SOS1: variants seen among roughly 807,000 people sequenced by gnomAD.
SOS1 encodes the protein SOS Ras/Rac guanine nucleotide exchange factor 1.
In SOS1, 25 loss-of-function variants were observed where a neutral mutation model predicts 157.6. The ratio of observed to expected loss-of-function variants is 0.16; its 90% confidence interval spans 0.12 to 0.22. The LOEUF (loss-of-function observed/expected upper bound fraction) is 0.22. SOS1 is among the 10% of genes least tolerant of loss of function. The pLI is 1.00. For missense variants in SOS1, 1,237 were observed against 1,599.1 expected, an observed-to-expected ratio of 0.77 and a Z score of 3.86; for synonymous variants, 528 against 534.0, an observed-to-expected ratio of 0.99 and a Z score of 0.16.
intron 15 of SOS1, among the ~76,000 whole-genome samples, chr2:39,010,051 C>T (rs1215916623): frequency 1.3e-5 from 2 of 152,158 alleles, no homozygotes; most frequent in African/African-American, 2.4e-5. Flanking sequence ...AGCGATGGCT[C>T]ACGCCTGTAA....
At chr2:39,029,110 T>C (rs1026131577) in intron 8 of SOS1, among the ~76,000 whole-genome samples, 2 of 152,172 alleles carry the variant, frequency 1.3e-5, no homozygotes, top group Non-Finnish European at 2.9e-5. Context: ...TTCAAATAAA[T>C]TATTATTTTA....
chr2:39,124,669 T>C (rs1186781571), upstream of SOS1, among the ~76,000 whole-genome samples: 2 of 152,272 alleles, frequency 1.3e-5, no homozygotes, highest in East Asian at 3.8e-4. Flanking sequence ...CTTACTTTTC[T>C]GTTCAAGAAC....
chr2:39,054,110 G>A (rs1395745810), intron 5 of SOS1, among the ~76,000 whole-genome samples: 3 of 152,092 alleles, frequency 2.0e-5, no homozygotes, highest in Non-Finnish European at 4.4e-5. Flanking sequence ...TGTATTTTTA[G>A]TAGAGATGGG....
chr2:39,087,194 C>T (rs1034356190), intron 1 of SOS1, among the ~76,000 whole-genome samples: 1 of 152,130 alleles, frequency 6.6e-6, no homozygotes, highest in African/African-American at 2.4e-5. Flanking sequence ...AAAACTGCCA[C>T]AGAATCATAG....
intron 1 of SOS1, among the ~76,000 whole-genome samples, chr2:39,111,591 C>T (rs527986366): frequency 6.6e-6 from 1 of 152,258 alleles, no homozygotes; most frequent in South Asian, 2.1e-4. Flanking sequence ...TCCTGCCACT[C>T]CTAGAATACA....
At chr2:39,040,661 T>C (rs1328738052) in intron 6 of SOS1, among the ~76,000 whole-genome samples, 1 of 152,242 alleles carries the variant, frequency 6.6e-6, no homozygotes, top group African/African-American at 2.4e-5. Context: ...TGGAATTTTA[T>C]CCATTTTTAA....
At chr2:39,076,496 G>A (rs1382605337) in intron 1 of SOS1, among the ~76,000 whole-genome samples, 1 of 152,056 alleles carries the variant, frequency 6.6e-6, no homozygotes, top group East Asian at 1.9e-4. Flanking sequence ...ACTAAGACTG[G>A]TTCAACAAAA....
chr2:39,083,199 G>A (rs911719983), intron 1 of SOS1, among the ~76,000 whole-genome samples: 3 of 152,052 alleles, frequency 2.0e-5, no homozygotes, highest in African/African-American at 4.8e-5. Context: ...CAATTCGGAT[G>A]ATTAACTTTC....
chr2:39,013,569 G>A lies in SOS1; in HGVS notation c.2064-6C>T. Reference sequence around the variant, plus strand: ...GCCGACATACATTTAATACTCTATGGCATTAACACAGAATTGAATTACATG... The same window carrying A: ...GCCGACATACATTTAATACTCTATGACATTAACACAGAATTGAATTACATG... On this transcript the variant is annotated splice_region_variant and splice_polypyrimidine_tract_variant and intron_variant, in intron 12 of 22. Coordinates refer to ENST00000402219, the MANE Select transcript of SOS1 (RefSeq NM_005633.4). 6.6e-7 allele frequency: 1 copy of A among 1,521,346 alleles called. No individual in the cohort carries two copies. Among genetic ancestry groups the A allele is most frequent in the Non-Finnish European group, 9.1e-7 (1 of 1,095,470 alleles). 94.2% of individuals were successfully genotyped at this position (1,521,346 alleles called of 1,614,324 possible). A position where few individuals can be genotyped will look rare whatever the true frequency, so the allele number is the denominator to read the frequency against.
At chr2:39,116,774 C>A (rs1231359517) in intron 1 of SOS1, among the ~76,000 whole-genome samples, 1 of 152,124 alleles carries the variant, frequency 6.6e-6, no homozygotes. Flanking sequence ...TAGCTTAAGC[C>A]CAGGAGGTGG....
At chr2:39,076,236 C>A (rs1393793616) in intron 1 of SOS1, among the ~76,000 whole-genome samples, 2 of 151,948 alleles carry the variant, frequency 1.3e-5, no homozygotes, top group Non-Finnish European at 2.9e-5. Flanking sequence ...CCGATCACTA[C>A]CCAAAATACA....
At chr2:39,083,648 A>G (rs752321839) in intron 1 of SOS1, among the ~76,000 whole-genome samples, 3 of 152,186 alleles carry the variant, frequency 2.0e-5, no homozygotes, top group Non-Finnish European at 4.4e-5. Context: ...ATGCTAACTG[A>G]TAAGACTTTT....
chr2:39,033,221 G>GAAAA (rs11383706), intron 8 of SOS1, among the ~76,000 whole-genome samples: 4 of 124,446 alleles, frequency 3.2e-5, no homozygotes, highest in East Asian at 2.4e-4. Context: ...TAGGTGTGCA[G>GAAAA]AAAAAAAAAA....
At chr2:38,997,208 T>A in intron 18 of SOS1, 45 bp downstream of exon 18, 1 of 1,470,424 alleles carries the variant, frequency 6.8e-7, no homozygotes, top group Non-Finnish European at 9.5e-7. Flanking sequence ...TTAAGTAGTT[T>A]AGAAACTTAA....
chr2:38,997,423 T>C lies in SOS1; in HGVS notation c.2794A>G (p.Ile932Val). 1 of 1,597,576 alleles carries C rather than the reference T, an allele frequency of 6.3e-7. No homozygotes were observed. Among genetic ancestry groups the C allele is most frequent in the East Asian group, 2.2e-5 (1 of 44,650 alleles). Residue 932 changes from isoleucine to valine, a missense_variant and splice_region_variant, in exon 18 of 23, where the codon ATT becomes GTT. Ile to Val is a conservative substitution (Grantham distance 29). Coordinates refer to ENST00000402219, the MANE Select transcript of SOS1 (RefSeq NM_005633.4). ...INPPCVPFFG[I>V]YLTNILKTEE... ...GTTTTCAAGATATTAGTGAGATAAATTCCTAGAAGATATAATGGAATGATT... is the reference window on the plus strand; with the variant it reads ...GTTTTCAAGATATTAGTGAGATAAACTCCTAGAAGATATAATGGAATGATT...
At chr2:39,025,384 C>G (rs566342856) in intron 8 of SOS1, among the ~76,000 whole-genome samples, 1 of 151,386 alleles carries the variant, frequency 6.6e-6, no homozygotes, top group Non-Finnish European at 1.5e-5. Context: ...GAGTCTTGCT[C>G]TGTACCCCAG....
At chr2:38,996,337 G>A (rs563078247) in intron 19 of SOS1, among the ~76,000 whole-genome samples, 5 of 152,232 alleles carry the variant, frequency 3.3e-5, no homozygotes, top group Admixed American at 1.3e-4. Flanking sequence ...TGATCCACCC[G>A]CCTCAGCTTC....
intron 6 of SOS1, among the ~76,000 whole-genome samples, chr2:39,045,065 G>C (rs1047640525): frequency 6.6e-6 from 1 of 152,078 alleles, no homozygotes; most frequent in Non-Finnish European, 1.5e-5. Context: ...TTATTGTTTA[G>C]GGTATTGTAA....
At chr2:39,014,714 CTCT>C (rs1296162286) in intron 11 of SOS1, 48 bp downstream of exon 11, 3 of 999,014 alleles carry the variant, frequency 3.0e-6, no homozygotes, top group Admixed American at 1.8e-5. Flanking sequence ...TTAGCTCAAT[CTCT>C]TTTTTAACAA....
Sources: gnomAD v4.1 joint callset for allele counts (sites outside exome capture counted in the v4.1 genomes callset) on GRCh38, gnomAD v4.1.1 for gene constraint, MANE v1.5 for transcripts, NCBI Gene and HGNC (gene_info 2026-07-23, HGNC 2026-07-21) for gene names.